The following CCDC33 variants were observed in gnomAD, a reference collection of about 807,000 sequenced individuals.
CCDC33 encodes coiled-coil domain-containing protein 33.
A neutral mutation model predicts 91.9 loss-of-function variants in CCDC33; 94 were observed. That is an observed-to-expected ratio of 1.02 (90% confidence interval 0.87 to 1.21). CCDC33 has a LOEUF of 1.21. Among genes scored for constraint, CCDC33 ranks in the 50% most tolerant of loss-of-function variants. CCDC33 has a pLI of 0.00. For missense variants in CCDC33, 940 were observed against 935.5 expected, an observed-to-expected ratio of 1.00 and a Z score of -0.06; for synonymous variants, 396 against 374.5, an observed-to-expected ratio of 1.06 and a Z score of -0.66.
Position 74,244,175 on chromosome 15 carries a change from A to G in CCDC33, c.185+27A>G, listed in dbSNP as rs765454371. 19 of 1,596,174 alleles carry G rather than the reference A, an allele frequency of 1.2e-5. No individual in the cohort carries two copies. Among genetic ancestry groups the G allele is most frequent in the Admixed American group, 3.4e-5 (2 of 58,548 alleles). On this transcript the variant is annotated intron_variant, in intron 2 of 18. Coordinates refer to ENST00000398814, the MANE Select transcript of CCDC33 (RefSeq NM_025055.5). The surrounding 1 kb of genome is among the most constrained non-coding windows in gnomAD (Gnocchi z 4.2). ...TAAGTAGCTGCGTGAGAGTGGGGGC[A>G]GGGGATGGGTTGGGCTGTGAGCAGA... is the stretch of plus-strand genomic sequence containing the variant.
chr15:74,325,498 T>C (rs2930302), intron 11 of CCDC33, among the ~76,000 whole-genome samples: 84,396 of 151,718 alleles, frequency 0.56, 24,687 homozygotes, highest in Non-Finnish European at 0.66. Flanking sequence ...CTCTCCTCTG[T>C]CACAGATGTC....
chr15:74,288,760 C>T (rs947596699), intron 10 of CCDC33, among the ~76,000 whole-genome samples: 1 of 152,258 alleles, frequency 6.6e-6, no homozygotes, highest in African/African-American at 2.4e-5. Context: ...CCCCAAGCTC[C>T]AGGTCATCTG....
chr15:74,213,670 G>A (rs1159392851), upstream of CCDC33, among the ~76,000 whole-genome samples: 3 of 152,186 alleles, frequency 2.0e-5, no homozygotes, highest in Admixed American at 6.5e-5. Context: ...TTTGTGTGAC[G>A]GAGGGAGACT....
Position 74,228,922 on chromosome 15 carries a change from C to T in CCDC33, c.675+10061C>T, listed in dbSNP as rs112468287. Among the ~76,000 whole-genome samples the T allele has an allele frequency of 8.5e-3, 1,297 of 152,222 alleles. 19 individuals are homozygous for T. Among genetic ancestry groups the T allele is most frequent in the African/African-American group, 0.019 (784 of 41,542 alleles). On this transcript the variant is annotated intron_variant, in intron 2 of 2. Coordinates refer to the CCDC33 transcript ENST00000635913. ...GGCGGGTGGTGTGAGCGAAGGGTGG[C>T]GGGCGCTGAGCAGGGAATCTGAGAG...
chr15:74,270,972 C>T (rs1469404165), intron 5 of CCDC33, among the ~76,000 whole-genome samples: 2 of 152,086 alleles, frequency 1.3e-5, no homozygotes, highest in South Asian at 4.1e-4. Context: ...GAGGGAACAA[C>T]CAAGGGCGGT....
At chr15:74,248,826 A>G (rs557557179) in intron 2 of CCDC33, among the ~76,000 whole-genome samples, 161 of 152,214 alleles carry the variant, frequency 1.1e-3, no homozygotes, top group Non-Finnish European at 2.2e-4. Context: ...GTTGGCTTCC[A>G]ATCTGACCCC....
At chr15:74,285,602 T>C (rs907968665) in intron 10 of CCDC33, among the ~76,000 whole-genome samples, 4 of 151,860 alleles carry the variant, frequency 2.6e-5, no homozygotes, top group Admixed American at 2.6e-4. Flanking sequence ...GCCTCCTACA[T>C]AGATCACATA....
chr15:74,336,127 G>A lies in CCDC33; in HGVS notation c.*74G>A. Reference sequence around the variant, plus strand: ...CCCCCTAAAAATGACGTTATTAAATGTTGTAGCTCTGTGAGCATTTTCCTC... The same window carrying A: ...CCCCCTAAAAATGACGTTATTAAATATTGTAGCTCTGTGAGCATTTTCCTC... On this transcript the variant is annotated 3_prime_UTR_variant, in exon 19 of 19. Transcript: ENST00000398814. The A allele has an allele frequency of 1.9e-6, 3 of 1,575,296 alleles. No homozygotes were observed. Among genetic ancestry groups the A allele is most frequent in the Non-Finnish European group, 2.6e-6 (3 of 1,162,204 alleles).
intron 10 of CCDC33, among the ~76,000 whole-genome samples, chr15:74,294,590 A>G (rs1338947682): frequency 6.6e-6 from 1 of 152,028 alleles, no homozygotes; most frequent in Non-Finnish European, 1.5e-5. Flanking sequence ...TACTAAAAAT[A>G]CACAAAATTA....
intron 11 of CCDC33, among the ~76,000 whole-genome samples, chr15:74,310,438 G>A (rs1226110173): frequency 6.6e-6 from 1 of 150,892 alleles, no homozygotes; most frequent in Non-Finnish European, 1.5e-5. Flanking sequence ...TTGAGAGGCT[G>A]AAGCAGGAAA....
At chr15:74,318,603 G>A (rs765798023) in intron 11 of CCDC33, 2 of 738,128 alleles carry the variant, frequency 2.7e-6, no homozygotes, top group Non-Finnish European at 2.5e-6. Context: ...GGGGAGCCAG[G>A]GCCCCCATCC....
chr15:74,215,886 A>AG (rs1555459456), upstream of CCDC33, among the ~76,000 whole-genome samples: 4 of 113,840 alleles, frequency 3.5e-5, no homozygotes, highest in Non-Finnish European at 6.3e-5. Flanking sequence ...AAAAAAAAAA[A>AG]AAAGAAAGAA....
intron 11 of CCDC33, among the ~76,000 whole-genome samples, chr15:74,298,614 A>T (rs1418424914): frequency 2.0e-5 from 3 of 151,936 alleles, no homozygotes; most frequent in African/African-American, 7.3e-5. Flanking sequence ...ATCTCAGCTC[A>T]CCACAACATC....
Position 74,287,941 on chromosome 15 carries a change from C to T in CCDC33, c.1095+6092C>T, listed in dbSNP as rs145421391. On this transcript the variant is annotated intron_variant, in intron 10 of 18. Transcript: ENST00000398814. ...CACCTCTCCTCCTGCGCTGCCATGA[C>T]GGAGGCTCCTACCTGCTTTCCACAA... 6.2e-3 allele frequency among the ~76,000 whole-genome samples: 944 copies of T among 152,318 alleles called. 8 individuals carry two copies. Among genetic ancestry groups the T allele is most frequent in the Middle Eastern group, 0.058 (17 of 294 alleles).
chr15:74,264,959 C>A (rs2076129023), intron 3 of CCDC33, among the ~76,000 whole-genome samples: 1 of 152,168 alleles, frequency 6.6e-6, no homozygotes, highest in African/African-American at 2.4e-5. Context: ...CCTCAATCTC[C>A]CTTCTTCAAG....
At chr15:74,231,788 G>A (rs1267219360), upstream of CCDC33, among the ~76,000 whole-genome samples, 1 of 152,222 alleles carries the variant, frequency 6.6e-6, no homozygotes, top group Admixed American at 6.5e-5. Context: ...GGCTGAGGCG[G>A]GTGGATCACT....
Position 74,332,770 on chromosome 15 carries a change from C to A in CCDC33, c.1863C>A (p.Asn621Lys). The A allele has an allele frequency of 6.2e-7, 1 of 1,614,216 alleles. No homozygotes were observed. The highest frequency in any genetic ancestry group is 1.1e-5 in the South Asian group (1 of 91,086). The change falls in exon 16 of 19, where the codon AAC becomes AAA. Residue 621 changes from asparagine (N) to lysine (K), a missense_variant. Physicochemically the swap from Asn to Lys is moderately conservative, Grantham distance 94 (BLOSUM62 0). Coordinates refer to ENST00000398814, the MANE Select transcript of CCDC33 (RefSeq NM_025055.5). ...TTTACTCGGTGCTGCTGGCAGAAAA[C>A]GCGAAGCTGCGGACGGAGCTGGATA... is the stretch of plus-strand genomic sequence containing the variant. ...VELYSVLLAE[N>K]AKLRTELDKN...
rs576646447 is a variant in CCDC33 at position 74,296,661 on chromosome 15, C to T, written c.1290+713C>T. Among the ~76,000 whole-genome samples, 3 of 152,214 alleles carry T rather than the reference C, an allele frequency of 2.0e-5. No homozygotes were observed. In the South Asian group the frequency reaches 6.2e-4, roughly 32 times the overall value. Reference sequence around the variant, plus strand: ...TAATAATAATAATAAAAGAGGACACCAATTCTGGTGACATAGTCTGTGTCC... The same window carrying T: ...TAATAATAATAATAAAAGAGGACACTAATTCTGGTGACATAGTCTGTGTCC... On this transcript the variant is annotated intron_variant, in intron 11 of 18. Transcript: ENST00000398814.
At chr15:74,209,324 G>T in intron 1 of CCDC33, 4 of 1,496,954 alleles carry the variant, frequency 2.7e-6, no homozygotes, top group Non-Finnish European at 3.6e-6. Context: ...TTCCCCAGAT[G>T]TGGCCTTAGA....
Sources: gnomAD v4.1 joint callset for allele counts (sites outside exome capture counted in the v4.1 genomes callset) on GRCh38, gnomAD v4.1.1 for gene constraint, Gnocchi (gnomAD v3.1) non-coding constraint, MANE v1.5 for transcripts, NCBI Gene and HGNC (gene_info 2026-07-23, HGNC 2026-07-21) for gene names.